INSL6: variants seen among roughly 807,000 people sequenced by gnomAD.
The protein encoded by INSL6 is insulin like 6, also known as insulin-like peptide INSL6.
In INSL6, 16 loss-of-function variants were observed where a neutral mutation model predicts 9.4. The observed-to-expected ratio is 1.70, with a 90% CI of 1.15 to 2.59. The LOEUF (loss-of-function observed/expected upper bound fraction) is 2.59, where lower values mean the gene tolerates loss of function less well. INSL6 is among the 30% of genes most tolerant of loss of function. The pLI, the probability that INSL6 is intolerant of heterozygous loss-of-function variation, is 0.00. For synonymous variants in INSL6, 154 were observed against 96.9 expected (o/e 1.59, Z -3.46); for missense variants, 391 against 257.3 (o/e 1.52, Z -3.56).
downstream of INSL6, chr9:5,122,897 CTT>C: frequency 1.4e-6 from 1 of 701,798 alleles, no homozygotes; most frequent in Non-Finnish European, 2.3e-6. Flanking sequence ...TGTGATAACT[CTT>C]TTCTCTACAT....
downstream of INSL6, among the ~76,000 whole-genome samples, chr9:5,120,739 T>A (rs1301461982): frequency 6.6e-6 from 1 of 152,168 alleles, no homozygotes; most frequent in Non-Finnish European, 1.5e-5. Context: ...GGAGACTGAT[T>A]GGAGATATTT....
chr9:5,029,159 T>A, the INSL6 span, among the ~76,000 whole-genome samples: 1 of 152,310 alleles, frequency 6.6e-6, no homozygotes, highest in Admixed American at 6.5e-5. Flanking sequence ...TTCCCTTGAA[T>A]GCCTAGAGGC....
the INSL6 span, chr9:5,029,856 T>C: frequency 1.2e-5 from 20 of 1,612,278 alleles, no homozygotes; most frequent in African/African-American, 2.5e-4. Flanking sequence ...CACCCAACCA[T>C]GTCTTCCATA....
chr9:5,057,100 C>G, the INSL6 span, among the ~76,000 whole-genome samples: 3 of 151,994 alleles, frequency 2.0e-5, no homozygotes, highest in African/African-American at 7.2e-5. Context: ...TTGTATTTCT[C>G]CTTGTATACA....
downstream of INSL6, among the ~76,000 whole-genome samples, chr9:5,162,582 C>T (rs1824949478): frequency 6.6e-6 from 1 of 152,188 alleles, no homozygotes. Flanking sequence ...GGAGCATTTT[C>T]ATCTAATGCT....
At chr9:5,134,367 A>G (rs1297714116) in intron 2 of INSL6, among the ~76,000 whole-genome samples, 1 of 152,202 alleles carries the variant, frequency 6.6e-6, no homozygotes, top group Non-Finnish European at 1.5e-5. Flanking sequence ...CCTCGAGAAG[A>G]GCAACCCCAA....
At chr9:5,111,471 G>C in the INSL6 span, 5 of 386,396 alleles carry the variant, frequency 1.3e-5, no homozygotes, top group South Asian at 1.0e-4. Flanking sequence ...TACCTGCCCA[G>C]CTCAGGTGAG....
chr9:5,146,594 G>C (rs541377383), intron 2 of INSL6, among the ~76,000 whole-genome samples: 59 of 152,232 alleles, frequency 3.9e-4, no homozygotes, highest in Non-Finnish European at 6.8e-4. Flanking sequence ...ATTAACACAA[G>C]GGTGGAGCAC....
At chr9:5,015,732 C>A in the INSL6 span, among the ~76,000 whole-genome samples, 58,545 of 151,800 alleles carry the variant, frequency 0.39, 12,375 homozygotes, top group African/African-American at 0.57. Flanking sequence ...TTTTTCGTAG[C>A]AAAGCATCAA....
chr9:5,120,427 T>G (rs139385557), downstream of INSL6, among the ~76,000 whole-genome samples: 32 of 152,378 alleles, frequency 2.1e-4, no homozygotes, highest in East Asian at 6.0e-3. Flanking sequence ...GATATCATTT[T>G]TTTAAAAACT....
At chr9:5,089,619 T>G in the INSL6 span, 2 of 809,222 alleles carry the variant, frequency 2.5e-6, no homozygotes, top group Middle Eastern at 5.3e-4. Flanking sequence ...TAAAATTTAT[T>G]TGTAATTTGC....
chr9:5,086,293 G>T, the INSL6 span, among the ~76,000 whole-genome samples: 1 of 152,164 alleles, frequency 6.6e-6, no homozygotes, highest in Admixed American at 6.5e-5. Context: ...AGGACCTGGA[G>T]CCTGAAACCT....
At chr9:4,993,111 A>C in the INSL6 span, among the ~76,000 whole-genome samples, 2 of 151,982 alleles carry the variant, frequency 1.3e-5, no homozygotes, top group African/African-American at 2.4e-5. Flanking sequence ...TCCTTTAAAA[A>C]CTTTGTGGAC....
chr9:5,171,538 A>C (rs764078678), intron 1 of INSL6, among the ~76,000 whole-genome samples: 2 of 152,224 alleles, frequency 1.3e-5, no homozygotes, highest in Non-Finnish European at 2.9e-5. Context: ...GAGGAAGCCA[A>C]ATTGTCTTTG....
At chr9:5,024,711 A>G in the INSL6 span, among the ~76,000 whole-genome samples, 1 of 152,110 alleles carries the variant, frequency 6.6e-6, no homozygotes, top group African/African-American at 2.4e-5. Flanking sequence ...CAGCTTGTTC[A>G]TTTGCAATGT....
At chr9:5,177,544 G>A (rs2130918550) in intron 1 of INSL6, among the ~76,000 whole-genome samples, 1 of 152,314 alleles carries the variant, frequency 6.6e-6, no homozygotes, top group Admixed American at 6.5e-5. Context: ...TCTGGCCCTG[G>A]GATCCTGGCA....
intron 3 of INSL6, among the ~76,000 whole-genome samples, chr9:5,132,378 A>G (rs116426403): frequency 5.6e-4 from 86 of 152,258 alleles, no homozygotes; most frequent in African/African-American, 2.0e-3. Context: ...AACATCTTTA[A>G]TTTCTCTTAT....
downstream of INSL6, among the ~76,000 whole-genome samples, chr9:5,163,386 T>C (rs1293903319): frequency 2.6e-5 from 4 of 152,200 alleles, no homozygotes; most frequent in Non-Finnish European, 5.9e-5. Context: ...CTCTTTTAAG[T>C]TCTCAGTAGA....
At chr9:5,047,629 A>G in the INSL6 span, among the ~76,000 whole-genome samples, 1 of 152,314 alleles carries the variant, frequency 6.6e-6, no homozygotes, top group East Asian at 1.9e-4. Flanking sequence ...TCAGCTACTC[A>G]AATGAGAAAA....
Sources: gnomAD v4.1 joint callset for allele counts (sites outside exome capture counted in the v4.1 genomes callset) on GRCh38, gnomAD v4.1.1 for gene constraint, MANE v1.5 for transcripts, NCBI Gene and HGNC (gene_info 2026-07-23, HGNC 2026-07-21) for gene names.